Variants in OLA1 observed in about 807,000 individuals in gnomAD.
OLA1 encodes the protein Obg like ATPase 1.
Under a neutral mutation model 48.4 loss-of-function variants are expected in OLA1, and 14 were observed. That is an observed-to-expected ratio of 0.29 (90% CI 0.19 to 0.45). OLA1 has a LOEUF of 0.45. OLA1 is among the 20% of genes least tolerant of loss of function. The pLI, the probability that OLA1 is intolerant of heterozygous loss-of-function variation, is 1.00. For missense variants in OLA1, 325 were observed against 467.1 expected, an observed-to-expected ratio of 0.70 and a Z score of 2.80; for synonymous variants, 127 against 150.4, an observed-to-expected ratio of 0.84 and a Z score of 1.14.
intron 5 of OLA1, among the ~76,000 whole-genome samples, chr2:174,131,697 T>C (rs1686185401): frequency 1.3e-5 from 2 of 152,266 alleles, no homozygotes; most frequent in South Asian, 4.1e-4. Context: ...TCTGTGGTGA[T>C]TAATGAGGAA....
intron 4 of OLA1, among the ~76,000 whole-genome samples, chr2:174,154,373 A>C (rs1686820160): frequency 6.6e-6 from 1 of 152,188 alleles, no homozygotes; most frequent in East Asian, 1.9e-4. Context: ...CCAACTCTCC[A>C]GAAATCCTCA....
chr2:174,189,546 T>G (rs1687730052), intron 4 of OLA1, among the ~76,000 whole-genome samples: 1 of 152,110 alleles, frequency 6.6e-6, no homozygotes, highest in Non-Finnish European at 1.5e-5. Context: ...TCTCACTCAC[T>G]CATAATGAGA....
intron 7 of OLA1, among the ~76,000 whole-genome samples, chr2:174,084,029 A>G (rs1469289622): frequency 1.3e-5 from 2 of 152,208 alleles, no homozygotes; most frequent in Non-Finnish European, 1.5e-5. Context: ...CAGGTGTTCT[A>G]TTGTACAATT....
chr2:174,229,205 A>C, intron 3 of OLA1, 103 bp downstream of exon 3: 2 of 1,213,566 alleles, frequency 1.6e-6, no homozygotes, highest in Non-Finnish European at 2.4e-6. Context: ...ACCCAAAACA[A>C]TAATGCTACA....
intron 4 of OLA1, among the ~76,000 whole-genome samples, chr2:174,144,146 AATT>A (rs1463466078): frequency 3.3e-5 from 5 of 151,988 alleles, no homozygotes; most frequent in African/African-American, 1.2e-4. Context: ...AAAAAAACCA[AATT>A]ATTTTCTAGA....
At position 174,142,763 on chromosome 2, in the gene OLA1, C is replaced by T. The variant is rs114275721; in HGVS notation, c.374-763G>A. On this transcript the variant is annotated intron_variant, in intron 4 of 10. Transcript: ENST00000284719. Reference sequence around the variant, plus strand: ...ATGCCCTTTTGAAGACATAATGTGGCAACATAATTCAACTGGGATTTACTC... The same window carrying T: ...ATGCCCTTTTGAAGACATAATGTGGTAACATAATTCAACTGGGATTTACTC... 8.3e-3 allele frequency among the ~76,000 whole-genome samples: 1,264 copies of T among 152,056 alleles called. 20 individuals are homozygous for T. Among genetic ancestry groups the T allele is most frequent in the African/African-American group, 0.029 (1,200 of 41,462 alleles).
chr2:174,178,379 C>A (rs1687464643), intron 4 of OLA1, among the ~76,000 whole-genome samples: 1 of 151,908 alleles, frequency 6.6e-6, no homozygotes, highest in Non-Finnish European at 1.5e-5. Context: ...AAAATAAACA[C>A]TGGTAAAACA....
At chr2:174,246,639 T>G (rs753801100) in intron 2 of OLA1, 76 bp downstream of exon 2, 29 of 939,664 alleles carry the variant, frequency 3.1e-5, no homozygotes, top group Non-Finnish European at 4.6e-5. Context: ...TTTAATTACC[T>G]CACGGTTCCC....
At chr2:174,121,628 T>A (rs1685916497) in intron 7 of OLA1, among the ~76,000 whole-genome samples, 1 of 152,250 alleles carries the variant, frequency 6.6e-6, no homozygotes, top group Non-Finnish European at 1.5e-5. Context: ...TCTACATTAT[T>A]ATAAATTAAA....
At chr2:174,119,552 T>C (rs1481880292) in intron 7 of OLA1, among the ~76,000 whole-genome samples, 1 of 152,126 alleles carries the variant, frequency 6.6e-6, no homozygotes, top group African/African-American at 2.4e-5. Flanking sequence ...ATAGTAGCTG[T>C]AATTTTTATA....
intron 4 of OLA1, among the ~76,000 whole-genome samples, chr2:174,213,589 A>T (rs774211282): frequency 6.6e-6 from 1 of 152,162 alleles, no homozygotes; most frequent in Non-Finnish European, 1.5e-5. Flanking sequence ...GCTTCCAAAA[A>T]CTGGCGAAGT....
chr2:174,245,851 G>A (rs946300587), intron 2 of OLA1, among the ~76,000 whole-genome samples: 4 of 152,126 alleles, frequency 2.6e-5, no homozygotes, highest in Non-Finnish European at 4.4e-5. Context: ...CTGAGATCAC[G>A]TCACTGCACT....
chr2:174,219,261 G>C (rs972420723), intron 4 of OLA1, among the ~76,000 whole-genome samples: 8 of 147,386 alleles, frequency 5.4e-5, no homozygotes, highest in Non-Finnish European at 3.0e-5. Context: ...GGATAACATA[G>C]CAAGACCCTG....
At chr2:174,150,388 C>T (rs1488575806) in intron 4 of OLA1, among the ~76,000 whole-genome samples, 1 of 152,214 alleles carries the variant, frequency 6.6e-6, no homozygotes, top group Non-Finnish European at 1.5e-5. Flanking sequence ...CTTGTACTTT[C>T]CAGGCTCCAT....
At chr2:174,193,427 T>G (rs1009389009) in intron 4 of OLA1, among the ~76,000 whole-genome samples, 12 of 152,098 alleles carry the variant, frequency 7.9e-5, no homozygotes, top group Non-Finnish European at 1.2e-4. Flanking sequence ...TATCCCTGAG[T>G]GCTTTTTTTT....
intron 7 of OLA1, among the ~76,000 whole-genome samples, chr2:174,089,881 G>A (rs6736206): frequency 0.013 from 1,789 of 141,078 alleles, 38 homozygotes; most frequent in African/African-American, 0.045. Flanking sequence ...TAGCCTTTGC[G>A]ACAGGGCGAG....
At chr2:174,157,506 T>C (rs1686915380) in intron 4 of OLA1, among the ~76,000 whole-genome samples, 1 of 152,228 alleles carries the variant, frequency 6.6e-6, no homozygotes, top group South Asian at 2.1e-4. Flanking sequence ...CTATTTTTAA[T>C]CCCATATTTA....
At chr2:174,122,671 A>G (rs1164101373) in intron 7 of OLA1, among the ~76,000 whole-genome samples, 1 of 151,948 alleles carries the variant, frequency 6.6e-6, no homozygotes, top group Non-Finnish European at 1.5e-5. Context: ...ACATGAATGC[A>G]TAGTTTTTAC....
At chr2:174,122,874 GACT>G (rs1366248322) in intron 7 of OLA1, among the ~76,000 whole-genome samples, 4 of 151,632 alleles carry the variant, frequency 2.6e-5, no homozygotes, top group African/African-American at 7.3e-5. Context: ...TTATTGTTGT[GACT>G]ACATTTATTC....
Sources: allele counts gnomAD v4.1 joint callset (sites outside exome capture counted in the v4.1 genomes callset), GRCh38; gene constraint gnomAD v4.1.1; transcripts MANE v1.5; gene names NCBI Gene and HGNC (gene_info 2026-07-23, HGNC 2026-07-21).